Variants in RNASET2 observed in about 807,000 individuals in gnomAD.
RNASET2 encodes the protein ribonuclease T2.
RNASET2 carries 28 observed loss-of-function variants against 33.9 expected under a neutral mutation model. The observed-to-expected ratio is 0.83, with a 90% confidence interval of 0.61 to 1.13. The LOEUF (loss-of-function observed/expected upper bound fraction) is 1.13. RNASET2 is among the 50% of genes most tolerant of loss of function. RNASET2 has a pLI of 0.00. For synonymous variants in RNASET2, 123 were observed against 121.0 expected (o/e 1.02, Z -0.11); for missense variants, 330 against 319.9 (o/e 1.03, Z -0.24).
chr6:166,931,138 T>C lies in RNASET2; in HGVS notation c.493-20A>G, dbSNP rs576174340. 4.0e-6 allele frequency: 6 copies of C among 1,516,120 alleles called. No homozygotes were observed. In the African/African-American group the frequency reaches 6.9e-5, roughly 17 times the overall value. 93.9% of individuals were successfully genotyped at this position (1,516,120 alleles called of 1,614,324 possible). On this transcript the variant is annotated intron_variant, in intron 7 of 8. Transcript: ENST00000508775. ...TGCAACCTGATTTTAAATACAAGTGTATTAGAAATTAAACTTCAACAGAAA... is the reference window on the plus strand; with the variant it reads ...TGCAACCTGATTTTAAATACAAGTGCATTAGAAATTAAACTTCAACAGAAA...
At position 166,926,145 on chromosome 6, in the gene RNASET2, T is replaced by A. The variant is rs1036440036; in HGVS notation, c.*3443A>T. ...GAATACTTTCACAATTTAGGCAAAA[T>A]TTTTTTAAAAAGTTTCCAGTTCACT... On this transcript the variant is annotated 3_prime_UTR_variant, in exon 9 of 9. Coordinates refer to ENST00000508775, the MANE Select transcript of RNASET2 (RefSeq NM_003730.6). Among the ~76,000 whole-genome samples the A allele has an allele frequency of 1.4e-4, 21 of 152,166 alleles. No individual in the cohort carries two copies. Among genetic ancestry groups the A allele is most frequent in the Admixed American group, 4.6e-4 (7 of 15,298 alleles).
At chr6:166,942,346 C>G (rs889035948) in intron 5 of RNASET2, among the ~76,000 whole-genome samples, 3 of 152,008 alleles carry the variant, frequency 2.0e-5, no homozygotes, top group African/African-American at 4.8e-5. Flanking sequence ...AACCACTGTG[C>G]CTGGTCTCTT....
chr6:166,932,509 C>T (rs1216099950), intron 7 of RNASET2: 1 of 152,338 alleles, frequency 6.6e-6, no homozygotes, highest in African/African-American at 2.4e-5. Flanking sequence ...TGCAGGCCTC[C>T]ATCTCAGCAA....
At chr6:166,943,383 C>G (rs967023509) in intron 4 of RNASET2, 1 of 365,788 alleles carries the variant, frequency 2.7e-6, no homozygotes, top group Non-Finnish European at 5.3e-6. Flanking sequence ...AATGAGCCGT[C>G]GAGTCATGAA....
At chr6:166,930,580 C>T (rs545083240) in intron 8 of RNASET2, among the ~76,000 whole-genome samples, 1 of 150,044 alleles carries the variant, frequency 6.7e-6, no homozygotes, top group Admixed American at 6.6e-5. Context: ...CACACACATG[C>T]ACACACACAG....
Position 166,956,341 on chromosome 6 carries a change from T to G in RNASET2, c.-159A>C. 1 of 698,408 alleles carries G rather than the reference T, an allele frequency of 1.4e-6. No individual in the cohort carries two copies. Among genetic ancestry groups the G allele is most frequent in the African/African-American group, 1.8e-5 (1 of 56,500 alleles). 43.3% of individuals were successfully genotyped at this position (698,408 alleles called of 1,614,324 possible). A position where few individuals can be genotyped will look rare whatever the true frequency, so the allele number is the denominator to read the frequency against. The stretch of plus-strand genomic sequence containing the variant: ...CGGCCACCGGGTGCGCCCGGAGCCC[T>G]GGGACGGCCTAAACCAGTATCTCGC... On this transcript the variant is annotated 5_prime_UTR_variant, in exon 1 of 9. Transcript: ENST00000508775.
At chr6:166,938,840 G>C in intron 6 of RNASET2, 55 bp downstream of exon 6, 1 of 1,276,290 alleles carries the variant, frequency 7.8e-7, no homozygotes, top group Non-Finnish European at 1.1e-6. Context: ...TGTCAGGCTT[G>C]GGCGACAGCA....
At chr6:166,942,095 C>A (rs576566507) in intron 5 of RNASET2, among the ~76,000 whole-genome samples, 5 of 144,286 alleles carry the variant, frequency 3.5e-5, no homozygotes, top group Non-Finnish European at 6.0e-5. Context: ...CCCTGTTGCC[C>A]GGGCTGGAGT....
At chr6:166,942,264 G>A (rs1459827908) in intron 5 of RNASET2, among the ~76,000 whole-genome samples, 2 of 152,072 alleles carry the variant, frequency 1.3e-5, no homozygotes, top group Non-Finnish European at 1.5e-5. Flanking sequence ...TGTTGGCCAG[G>A]CTGGTCTCGA....
At chr6:166,939,351 G>C (rs932540832) in intron 5 of RNASET2, among the ~76,000 whole-genome samples, 2 of 152,112 alleles carry the variant, frequency 1.3e-5, no homozygotes, top group Non-Finnish European at 2.9e-5. Flanking sequence ...TAATGAAACT[G>C]ATTCCCAATT....
chr6:166,945,523 C>T (rs1778813524), intron 4 of RNASET2: 1 of 152,934 alleles, frequency 6.5e-6, no homozygotes, highest in African/African-American at 2.4e-5. Flanking sequence ...AAAAAGAAAA[C>T]AATTCCATAT....
At chr6:166,938,788 C>A (rs774617544) in intron 6 of RNASET2, 107 bp downstream of exon 6, 2 of 803,422 alleles carry the variant, frequency 2.5e-6, no homozygotes, top group East Asian at 2.4e-5. Context: ...GCAGAAGCTG[C>A]TGGAGGGCAG....
intron 1 of RNASET2, chr6:166,952,787 G>A (rs958541807): frequency 1.0e-5 from 5 of 480,172 alleles, no homozygotes; most frequent in Non-Finnish European, 1.9e-5. Flanking sequence ...GATAAGGGGA[G>A]GAGGGGAGAG....
rs1278631160 is a variant in RNASET2 at position 166,949,191 on chromosome 6, C to T, written c.148-566G>A. Among the ~76,000 whole-genome samples the T allele has an allele frequency of 1.6e-3, 173 of 111,562 alleles. 1 individual carries two copies. Among genetic ancestry groups the T allele is most frequent in the African/African-American group, 5.6e-3 (170 of 30,388 alleles). The allele number at this position is 111,562 out of a possible 152,430, so 73.2% of individuals were successfully genotyped here. On this transcript the variant is annotated intron_variant, in intron 2 of 8. Transcript: ENST00000508775. ...CCAGCCTAGGTGACAAGAAAAAAACCGTGTCTCCAAAAAAAAAAAAAAAAA... is the reference window on the plus strand; with the variant it reads ...CCAGCCTAGGTGACAAGAAAAAAACTGTGTCTCCAAAAAAAAAAAAAAAAA...
rs1322693126 is a variant in RNASET2 at position 166,955,217 on chromosome 6, ACACGCG to A, written c.86+874_86+879del. 3.1e-3 allele frequency among the ~76,000 whole-genome samples: 272 copies of A among 88,654 alleles called. 20 individuals carry two copies. In the East Asian group the frequency reaches 0.071, roughly 23 times the overall value. The allele number at this position is 88,654 out of a possible 152,430, so 58.2% of individuals were successfully genotyped here. A position where few individuals can be genotyped will look rare whatever the true frequency, so the allele number is the denominator to read the frequency against. ...CACACGCACGCACACACGCACGCACACACGCGCACACACGCACGCACGCACACACAC... is the reference window on the plus strand; with the variant it reads ...CACACGCACGCACACACGCACGCACACACACACGCACGCACGCACACACAC... On this transcript the variant is annotated intron_variant, in intron 1 of 8. Coordinates refer to ENST00000508775, the MANE Select transcript of RNASET2 (RefSeq NM_003730.6).
intron 2 of RNASET2, among the ~76,000 whole-genome samples, chr6:166,951,340 G>A (rs959605844): frequency 1.1e-4 from 16 of 152,272 alleles, no homozygotes; most frequent in African/African-American, 3.9e-4. Flanking sequence ...ATCACGGGGA[G>A]ATGGTTAGGC....
chr6:166,930,221 G>A (rs183734544), intron 8 of RNASET2, among the ~76,000 whole-genome samples: 44 of 152,358 alleles, frequency 2.9e-4, no homozygotes, highest in Admixed American at 8.5e-4. Context: ...GTATATTCTT[G>A]TTAAAGATAA....
chr6:166,937,512 C>G (rs1361973255), intron 6 of RNASET2, among the ~76,000 whole-genome samples: 2 of 152,164 alleles, frequency 1.3e-5, no homozygotes, highest in Admixed American at 6.5e-5. Flanking sequence ...GCTCTTACTG[C>G]AAGAAAGCAA....
chr6:166,928,183 G>A lies in RNASET2; in HGVS notation c.*1405C>T, dbSNP rs1179974860. ...GTCTCAGGCTCTTACTGCAGAGCTT[G>A]TTTCCAGAGGGCCAGAGGCCGTCCT... is the stretch of plus-strand genomic sequence containing the variant. On this transcript the variant is annotated 3_prime_UTR_variant, in exon 9 of 9. Transcript: ENST00000508775. Among the ~76,000 whole-genome samples the A allele has an allele frequency of 6.6e-6, 1 of 152,238 alleles. No individual in the cohort carries two copies. Among genetic ancestry groups the A allele is most frequent in the East Asian group, 1.9e-4 (1 of 5,198 alleles).
Sources: gnomAD v4.1 joint callset for allele counts (sites outside exome capture counted in the v4.1 genomes callset) on GRCh38, gnomAD v4.1.1 for gene constraint, MANE v1.5 for transcripts, NCBI Gene and HGNC (gene_info 2026-07-23, HGNC 2026-07-21) for gene names.